PDZRN4: variants seen among roughly 807,000 people sequenced by gnomAD.
The protein encoded by PDZRN4 is PDZ domain-containing RING finger protein 4.
PDZRN4 carries 70 observed loss-of-function variants against 99.0 expected under a neutral mutation model. That is an observed-to-expected ratio of 0.71 (90% CI 0.58 to 0.86). The LOEUF is 0.86. PDZRN4 is among the 40% of genes least tolerant of loss of function. The pLI, the probability that PDZRN4 is intolerant of heterozygous loss-of-function variation, is 0.00. For synonymous variants in PDZRN4, 551 were observed against 501.6 expected (o/e 1.10, Z -1.32); for missense variants, 1,474 against 1,331.2 (o/e 1.11, Z -1.67).
chr12:41,301,669 T>C (rs1323982213), intron 3 of PDZRN4, among the ~76,000 whole-genome samples: 6 of 152,086 alleles, frequency 3.9e-5, no homozygotes, highest in African/African-American at 1.4e-4. Context: ...TTATAAGCAA[T>C]GCTTTCCAAA....
At chr12:41,337,718 C>T (rs906499998) in intron 3 of PDZRN4, among the ~76,000 whole-genome samples, 2 of 152,096 alleles carry the variant, frequency 1.3e-5, no homozygotes, top group African/African-American at 4.8e-5. Flanking sequence ...ATCAGATGAC[C>T]TTGATCCCAG....
intron 3 of PDZRN4, chr12:41,477,996 G>T: frequency 1.1e-6 from 1 of 916,806 alleles, no homozygotes; most frequent in Non-Finnish European, 1.7e-6. Context: ...ACATGATATA[G>T]ATAAGAGGAC....
intron 3 of PDZRN4, among the ~76,000 whole-genome samples, chr12:41,384,451 C>A (rs1270729839): frequency 1.3e-5 from 2 of 152,038 alleles, no homozygotes; most frequent in African/African-American, 2.4e-5. Context: ...CAATATAGAT[C>A]AAATTAATAC....
chr12:41,250,784 G>T (rs1467021793), intron 3 of PDZRN4, among the ~76,000 whole-genome samples: 1 of 152,166 alleles, frequency 6.6e-6, no homozygotes, highest in Non-Finnish European at 1.5e-5. Context: ...AATCTTTCCT[G>T]GGTGTTTTTC....
chr12:41,497,412 T>C (rs1293322457), intron 3 of PDZRN4, among the ~76,000 whole-genome samples: 1 of 152,148 alleles, frequency 6.6e-6, no homozygotes, highest in Non-Finnish European at 1.5e-5. Flanking sequence ...AATTCCTTGT[T>C]ACGTTTTAAA....
intron 3 of PDZRN4, among the ~76,000 whole-genome samples, chr12:41,235,700 A>G (rs894711931): frequency 2.6e-5 from 4 of 152,204 alleles, no homozygotes; most frequent in Admixed American, 6.5e-5. Context: ...AAAACCCTCT[A>G]TGAAGAACCA....
intron 3 of PDZRN4, among the ~76,000 whole-genome samples, chr12:41,285,085 A>AG (rs1951413800): frequency 6.6e-6 from 1 of 152,196 alleles, no homozygotes; most frequent in African/African-American, 2.4e-5. Context: ...ACAGAATGGG[A>AG]GAAAATTTTG....
chr12:41,227,916 CA>C (rs1566375636), intron 3 of PDZRN4, among the ~76,000 whole-genome samples: 3,513 of 126,258 alleles, frequency 0.028, 65 homozygotes, highest in Admixed American at 0.032. Context: ...CACACACACA[CA>C]CACCAGAAGG....
At chr12:41,348,403 G>A (rs1291631756) in intron 3 of PDZRN4, among the ~76,000 whole-genome samples, 6 of 152,170 alleles carry the variant, frequency 3.9e-5, no homozygotes, top group Non-Finnish European at 7.4e-5. Context: ...TTATGCAGAA[G>A]CAATGATGGA....
At chr12:41,548,429 A>G (rs941891173) in intron 5 of PDZRN4, among the ~76,000 whole-genome samples, 3 of 152,228 alleles carry the variant, frequency 2.0e-5, no homozygotes, top group Admixed American at 6.5e-5. Context: ...TATGATTAAC[A>G]CTCAGATTGA....
intron 3 of PDZRN4, among the ~76,000 whole-genome samples, chr12:41,477,300 GGCTGGGAATTAAATAGTAAGTA>G (rs1211389842): frequency 1.3e-5 from 2 of 152,152 alleles, no homozygotes; most frequent in Non-Finnish European, 2.9e-5. Context: ...CCATAAATTT[GGCTGGGAATTAAATAGTAAGTA>G]GCCGTGATTG....
At chr12:41,302,729 T>TTCTGTATG (rs1238276155) in intron 3 of PDZRN4, among the ~76,000 whole-genome samples, 2 of 152,138 alleles carry the variant, frequency 1.3e-5, no homozygotes, top group East Asian at 3.8e-4. Context: ...TAGAAATGTT[T>TTCTGTATG]TCTGTATGTC....
intron 3 of PDZRN4, among the ~76,000 whole-genome samples, chr12:41,307,435 C>T (rs1951578394): frequency 6.6e-6 from 1 of 152,096 alleles, no homozygotes; most frequent in South Asian, 2.1e-4. Flanking sequence ...GGACTAATCC[C>T]ATCACAAGGG....
At chr12:41,543,038 A>G (rs1938885980) in intron 5 of PDZRN4, among the ~76,000 whole-genome samples, 2 of 152,084 alleles carry the variant, frequency 1.3e-5, no homozygotes, top group African/African-American at 4.8e-5. Context: ...TTAGAAATCA[A>G]TCCTAATCCA....
chr12:41,268,858 A>T (rs12300953), intron 3 of PDZRN4, among the ~76,000 whole-genome samples: 18,393 of 152,224 alleles, frequency 0.12, 1,951 homozygotes, highest in African/African-American at 0.28. Flanking sequence ...CAAAGAACAA[A>T]TCATTGAAGG....
intron 5 of PDZRN4, among the ~76,000 whole-genome samples, chr12:41,534,399 A>C (rs1424701925): frequency 6.6e-6 from 1 of 152,122 alleles, no homozygotes; most frequent in African/African-American, 2.4e-5. Flanking sequence ...CCTAGGTATT[A>C]AGCCCAGGAT....
intron 7 of PDZRN4, among the ~76,000 whole-genome samples, 186 bp downstream of exon 7, chr12:41,555,946 A>G (rs956055632): frequency 6.6e-6 from 1 of 152,124 alleles, no homozygotes; most frequent in African/African-American, 2.4e-5. Flanking sequence ...ATTAAGAGTG[A>G]TTAGCTAATA....
At chr12:41,375,929 A>G (rs1952075761) in intron 3 of PDZRN4, among the ~76,000 whole-genome samples, 1 of 152,122 alleles carries the variant, frequency 6.6e-6, no homozygotes, top group Non-Finnish European at 1.5e-5. Flanking sequence ...CCCTGGCAAC[A>G]TCCATTCTAC....
chr12:41,394,231 A>T (rs1246923156), intron 3 of PDZRN4, among the ~76,000 whole-genome samples: 1 of 152,026 alleles, frequency 6.6e-6, no homozygotes, highest in Non-Finnish European at 1.5e-5. Flanking sequence ...ATCATGACCT[A>T]ATTATCTACC....
Sources: gnomAD v4.1 joint callset for allele counts (sites outside exome capture counted in the v4.1 genomes callset) on GRCh38, gnomAD v4.1.1 for gene constraint, MANE v1.5 for transcripts, NCBI Gene and HGNC (gene_info 2026-07-23, HGNC 2026-07-21) for gene names.